Variants in PFKFB4 observed in about 807,000 individuals in gnomAD.
PFKFB4 encodes the protein 6-phosphofructo-2-kinase/fructose-2,6-bisphosphatase 4.
In PFKFB4, 42 loss-of-function variants were observed where a neutral mutation model predicts 62.8. That is an observed-to-expected ratio of 0.67 (90% confidence interval 0.52 to 0.86). PFKFB4 has a LOEUF of 0.86. Among genes scored for constraint, PFKFB4 ranks in the 40% least tolerant of loss-of-function variants. The pLI, the probability that PFKFB4 is intolerant of heterozygous loss-of-function variation, is 0.00. For missense variants in PFKFB4, 475 were observed against 627.2 expected (o/e 0.76, Z 2.59); for synonymous variants, 204 against 240.7 (o/e 0.85, Z 1.41).
upstream of PFKFB4, among the ~76,000 whole-genome samples, chr3:48,559,206 T>C (rs1410052919): frequency 6.6e-6 from 1 of 152,308 alleles, no homozygotes; most frequent in African/African-American, 2.4e-5. Flanking sequence ...CCAGAAAGTC[T>C]ACCCGTGGCT....
chr3:48,541,813 A>C (rs1167983448), intron 4 of PFKFB4, among the ~76,000 whole-genome samples: 1 of 152,170 alleles, frequency 6.6e-6, no homozygotes, highest in Non-Finnish European at 1.5e-5. Flanking sequence ...GAAAAATACA[A>C]GAATTAGCCA....
upstream of PFKFB4, chr3:48,557,018 T>G: frequency 7.6e-7 from 1 of 1,314,902 alleles, no homozygotes; most frequent in Non-Finnish European, 9.8e-7. Flanking sequence ...GGCCCAGTTC[T>G]TCAGGCCAGG....
chr3:48,530,255 A>T (rs1479462247), intron 9 of PFKFB4, among the ~76,000 whole-genome samples: 1 of 152,154 alleles, frequency 6.6e-6, no homozygotes, highest in Non-Finnish European at 1.5e-5. Context: ...TTGGTCTCAA[A>T]AAATAAATAA....
At chr3:48,534,438 A>T (rs1418534648) in intron 9 of PFKFB4, among the ~76,000 whole-genome samples, 1 of 152,216 alleles carries the variant, frequency 6.6e-6, no homozygotes, top group African/African-American at 2.4e-5. Flanking sequence ...ATCATAATCA[A>T]ATTGCTAAAA....
chr3:48,543,216 G>T (rs1344544382), intron 4 of PFKFB4, among the ~76,000 whole-genome samples: 2 of 152,300 alleles, frequency 1.3e-5, no homozygotes, highest in Non-Finnish European at 1.5e-5. Context: ...GGATTCAGTG[G>T]GTTCCTACAA....
intron 4 of PFKFB4, among the ~76,000 whole-genome samples, chr3:48,542,782 C>T (rs2042840806): frequency 2.0e-5 from 3 of 152,158 alleles, no homozygotes; most frequent in Admixed American, 2.0e-4. Flanking sequence ...AAGGGAAAAG[C>T]ACTTTCCACC....
At chr3:48,557,540 G>GA (rs1264074343), upstream of PFKFB4, among the ~76,000 whole-genome samples, 3 of 152,060 alleles carry the variant, frequency 2.0e-5, no homozygotes, top group Admixed American at 6.5e-5. Context: ...AAATGCGTGG[G>GA]ACTTTTTTTT....
chr3:48,531,835 A>C (rs773311687), intron 9 of PFKFB4, among the ~76,000 whole-genome samples: 1 of 152,156 alleles, frequency 6.6e-6, no homozygotes, highest in Non-Finnish European at 1.5e-5. Flanking sequence ...CAGGAATAAC[A>C]AATCAAAACC....
chr3:48,550,343 G>A (rs184495785), intron 1 of PFKFB4, 109 bp from the exon 2 acceptor site: 24 of 732,214 alleles, frequency 3.3e-5, no homozygotes, highest in African/African-American at 1.6e-4. Flanking sequence ...GGCATCAGAC[G>A]TATCTTCTTG....
chr3:48,543,615 G>A lies in PFKFB4; in HGVS notation c.343C>T (p.Arg115Trp), dbSNP rs768472833. 4 of 1,612,162 alleles carry A rather than the reference G, an allele frequency of 2.5e-6. No homozygotes were observed. Among genetic ancestry groups the A allele is most frequent in the Middle Eastern group, 1.6e-4 (1 of 6,080 alleles). Residue 115 changes from arginine to tryptophan, a missense_variant, in exon 4 of 14, where the codon CGG (arginine) becomes TGG (tryptophan). Transcript: ENST00000232375. Reference sequence around the variant, plus strand: ...CCCCCCTCCTCACTAAGGAACCGCCGGACGTCACGGAGGGCTGCCAGGGCA... The same window carrying A: ...CCCCCCTCCTCACTAAGGAACCGCCAGACGTCACGGAGGGCTGCCAGGGCA... ...QCALAALRDV[R>W]RFLSEEGGHV...
Position 48,517,979 on chromosome 3 carries a change from C to T in PFKFB4, c.*1768G>A, listed in dbSNP as rs894730917. 12 of 152,388 alleles carry T rather than the reference C, an allele frequency of 7.9e-5. No homozygotes were observed. The highest frequency in any genetic ancestry group is 7.8e-4 in the Admixed American group (12 of 15,288). 9.4% of individuals were successfully genotyped at this position (152,388 alleles called of 1,614,324 possible). ...GCAACTCCTAACTCCCCTCTGTACA[C>T]AGAGAGAAAAGGCCTCGGTGGTCTC... is the stretch of plus-strand genomic sequence containing the variant. On this transcript the variant is annotated 3_prime_UTR_variant, in exon 14 of 14. Coordinates refer to ENST00000232375, the MANE Select transcript of PFKFB4 (RefSeq NM_004567.4).
chr3:48,537,085 C>G (rs1575377533), intron 7 of PFKFB4, among the ~76,000 whole-genome samples: 1 of 152,310 alleles, frequency 6.6e-6, no homozygotes, highest in East Asian at 1.9e-4. Flanking sequence ...AGCTCAGCCA[C>G]TTTCCCTACT....
chr3:48,560,691 C>T (rs749813801), upstream of PFKFB4, among the ~76,000 whole-genome samples: 21 of 152,334 alleles, frequency 1.4e-4, no homozygotes, highest in Admixed American at 5.9e-4. Context: ...ATGTGAAACC[C>T]ATCCTAAATG....
At position 48,556,308 on chromosome 3, in the gene PFKFB4, C is replaced by A. The variant is rs189347504; in HGVS notation, c.97+373G>T. The stretch of plus-strand genomic sequence containing the variant: ...CCAGTCCAACAACCCGGCCCACACT[C>A]CTTGGCCAGGAGAGAGGGAAGGGCC... On this transcript the variant is annotated intron_variant, in intron 1 of 13. Coordinates refer to ENST00000232375, the MANE Select transcript of PFKFB4 (RefSeq NM_004567.4). The surrounding 1 kb of genome is among the most constrained non-coding windows in gnomAD (Gnocchi z 5.7). 117 of 510,346 alleles carry A rather than the reference C, an allele frequency of 2.3e-4. No homozygotes were observed. The highest frequency in any genetic ancestry group is 8.5e-4 in the Admixed American group (37 of 43,746). The allele number at this position is 510,346 out of a possible 1,614,324, so 31.6% of individuals were successfully genotyped here.
intron 3 of PFKFB4, among the ~76,000 whole-genome samples, chr3:48,546,106 G>C (rs1034817880): frequency 6.6e-6 from 1 of 152,166 alleles, no homozygotes; most frequent in African/African-American, 2.4e-5. Context: ...TTATGTGTGT[G>C]TTGTGCCCAA....
At position 48,539,694 on chromosome 3, in the gene PFKFB4, C is replaced by T. The variant is rs1413551698; in HGVS notation, c.453+3G>A. ...CCAAGGAGAGGAGCCAAGGAGGCCT[C>T]ACCTTGTAGCCATTCTGTTCTCCAA... On this transcript the variant is annotated splice_donor_region_variant and intron_variant, in intron 5 of 13. Coordinates refer to ENST00000232375, the MANE Select transcript of PFKFB4 (RefSeq NM_004567.4). 6.2e-7 allele frequency: 1 copy of T among 1,612,818 alleles called. No individual in the cohort carries two copies. The highest frequency in any genetic ancestry group is 1.7e-5 in the Admixed American group (1 of 60,018).
chr3:48,542,826 A>T (rs2042842419), intron 4 of PFKFB4, among the ~76,000 whole-genome samples: 1 of 152,204 alleles, frequency 6.6e-6, no homozygotes, highest in South Asian at 2.1e-4. Flanking sequence ...AAATGTGAGG[A>T]TTAAAAAAAG....
At chr3:48,544,968 C>T (rs1275298274) in intron 3 of PFKFB4, among the ~76,000 whole-genome samples, 1 of 152,194 alleles carries the variant, frequency 6.6e-6, no homozygotes, top group Non-Finnish European at 1.5e-5. Flanking sequence ...AAGTGATCTG[C>T]CCACTTTGGC....
intron 8 of PFKFB4, 54 bp downstream of exon 8, chr3:48,536,202 C>A: frequency 6.7e-7 from 1 of 1,489,028 alleles, no homozygotes; most frequent in Non-Finnish European, 9.3e-7. Flanking sequence ...TATACCCAGC[C>A]ACGCAGGGTA....
Sources: allele counts gnomAD v4.1 joint callset (sites outside exome capture counted in the v4.1 genomes callset), GRCh38; gene constraint gnomAD v4.1.1; non-coding constraint Gnocchi (gnomAD v3.1); transcripts MANE v1.5; gene names NCBI Gene and HGNC (gene_info 2026-07-23, HGNC 2026-07-21).